Variants in SMAD1 observed in about 807,000 individuals in gnomAD.
SMAD1 encodes the protein SMAD family member 1, also known as MAD, mothers against decapentaplegic homolog 1.
In SMAD1, 6 loss-of-function variants were observed where a neutral mutation model predicts 41.6. The observed-to-expected ratio is 0.14, with a 90% CI of 0.08 to 0.28. SMAD1 has a LOEUF of 0.28. SMAD1 is among the 10% of genes least tolerant of loss of function. SMAD1 has a pLI of 1.00. For synonymous variants in SMAD1, 206 were observed against 203.2 expected (o/e 1.01, Z -0.12); for missense variants, 379 against 582.6 (o/e 0.65, Z 3.60).
intron 5 of SMAD1, among the ~76,000 whole-genome samples, chr4:145,551,114 C>T (rs1239717546): frequency 2.0e-5 from 3 of 152,032 alleles, no homozygotes; most frequent in African/African-American, 7.2e-5. Flanking sequence ...AAAAAATTAT[C>T]GGCATTAGGG....
intron 2 of SMAD1, among the ~76,000 whole-genome samples, chr4:145,536,106 T>C (rs1266035243): frequency 2.0e-5 from 3 of 152,204 alleles, no homozygotes; most frequent in Non-Finnish European, 4.4e-5. Flanking sequence ...ATTTTGATGT[T>C]GGTAGCCAAG....
upstream of SMAD1, chr4:145,481,601 G>C (rs1159711553): frequency 6.6e-6 from 1 of 152,328 alleles, no homozygotes; most frequent in African/African-American, 2.4e-5. Context: ...AGGAAGAAAC[G>C]GGGCGTGGGG....
At chr4:145,542,080 A>G (rs993776481) in intron 3 of SMAD1, among the ~76,000 whole-genome samples, 2 of 152,218 alleles carry the variant, frequency 1.3e-5, no homozygotes, top group Admixed American at 1.3e-4. Context: ...CAGATTCCCT[A>G]AAGTCATGGA....
chr4:145,549,896 A>G (rs1200871208), intron 5 of SMAD1, among the ~76,000 whole-genome samples: 1 of 152,186 alleles, frequency 6.6e-6, no homozygotes, highest in Non-Finnish European at 1.5e-5. Context: ...TGGTCTGTAA[A>G]CCTCTGAAAT....
chr4:145,556,205 TCAG>T (rs1340245184), intron 6 of SMAD1, among the ~76,000 whole-genome samples: 1 of 152,204 alleles, frequency 6.6e-6, no homozygotes, highest in Non-Finnish European at 1.5e-5. Context: ...CCAAGTCAGC[TCAG>T]CTGAACACAT....
At chr4:145,512,645 A>G (rs1730147104) in intron 1 of SMAD1, among the ~76,000 whole-genome samples, 1 of 152,208 alleles carries the variant, frequency 6.6e-6, no homozygotes, top group Non-Finnish European at 1.5e-5. Flanking sequence ...TTGACATAGT[A>G]AATAGTAATC....
intron 2 of SMAD1, among the ~76,000 whole-genome samples, chr4:145,528,534 G>A (rs890926953): frequency 4.6e-5 from 7 of 152,258 alleles, no homozygotes; most frequent in South Asian, 2.1e-4. Flanking sequence ...GAGCTACCGC[G>A]CCTGACCATA....
chr4:145,554,592 GATAA>G (rs1273440941), intron 6 of SMAD1, among the ~76,000 whole-genome samples: 2 of 152,146 alleles, frequency 1.3e-5, no homozygotes, highest in Non-Finnish European at 2.9e-5. Flanking sequence ...CCTTGCCCAA[GATAA>G]ATAGATGCCT....
At chr4:145,546,356 C>A in intron 4 of SMAD1, 1 of 214,990 alleles carries the variant, frequency 4.7e-6, no homozygotes, top group South Asian at 9.6e-5. Context: ...AGATGGTGAG[C>A]CAAAGTCTGT....
intron 1 of SMAD1, among the ~76,000 whole-genome samples, chr4:145,491,355 C>T (rs1294011945): frequency 6.6e-6 from 1 of 152,130 alleles, no homozygotes; most frequent in Non-Finnish European, 1.5e-5. Context: ...CACTTAAACC[C>T]AGCAGTTCAA....
At chr4:145,531,196 G>A (rs546144459) in intron 2 of SMAD1, among the ~76,000 whole-genome samples, 5 of 152,280 alleles carry the variant, frequency 3.3e-5, no homozygotes, top group African/African-American at 9.6e-5. Flanking sequence ...TTTCTTCAGC[G>A]TAAAGTTTCC....
intron 2 of SMAD1, among the ~76,000 whole-genome samples, chr4:145,515,434 G>C (rs1198534082): frequency 4.6e-5 from 7 of 152,114 alleles, no homozygotes; most frequent in African/African-American, 1.7e-4. Context: ...CATTATTGCT[G>C]TCTATATGCT....
At chr4:145,515,160 G>GTC in intron 2 of SMAD1, 147 bp downstream of exon 2, 1 of 717,384 alleles carries the variant, frequency 1.4e-6, no homozygotes, top group Non-Finnish European at 2.3e-6. Context: ...GTGTGTGTGT[G>GTC]TGTGTGTGTG....
At chr4:145,530,531 AT>A (rs778569481) in intron 2 of SMAD1, among the ~76,000 whole-genome samples, 17 of 152,148 alleles carry the variant, frequency 1.1e-4, no homozygotes, top group Non-Finnish European at 2.2e-4. Context: ...GTTGAGTTAG[AT>A]TTAGGTGATT....
Position 145,502,123 on chromosome 4 carries a change from A to G in SMAD1, c.-176-12315A>G, listed in dbSNP as rs572048759. On this transcript the variant is annotated intron_variant, in intron 1 of 6. Coordinates refer to ENST00000302085, the MANE Select transcript of SMAD1 (RefSeq NM_005900.3). ...CATAGACTTTCTCCTGGGATAGTCA[A>G]TAAAATTAAATCTTAAAATGTCTGT... Among the ~76,000 whole-genome samples, 85 of 152,332 alleles carry G rather than the reference A, an allele frequency of 5.6e-4. 2 individuals are homozygous for G. Among genetic ancestry groups the G allele is most frequent in the South Asian group, 1.0e-3 (5 of 4,824 alleles).
chr4:145,542,792 G>C (rs1732025090), intron 4 of SMAD1, 94 bp downstream of exon 4: 1 of 779,434 alleles, frequency 1.3e-6, no homozygotes, highest in South Asian at 1.8e-5. Context: ...TTTAAAAAGA[G>C]AGCTACTTGA....
At chr4:145,549,226 G>A (rs1404251750) in intron 5 of SMAD1, among the ~76,000 whole-genome samples, 2 of 152,142 alleles carry the variant, frequency 1.3e-5, no homozygotes, top group Non-Finnish European at 2.9e-5. Context: ...AATACTGTAA[G>A]GGACATTATT....
rs75059086 is a variant in SMAD1, at chr4:145,493,059, A to G, written c.-177+11021A>G. On this transcript the variant is annotated intron_variant, in intron 1 of 6. Coordinates refer to ENST00000302085, the MANE Select transcript of SMAD1 (RefSeq NM_005900.3). ...CCTGCAAACATTTTAAAGTTGGATA[A>G]AAAAGGCTTTTAAATCTCACCTTCA... 2.0e-4 allele frequency among the ~76,000 whole-genome samples: 30 copies of G among 152,296 alleles called. No homozygotes were observed. In the East Asian group the frequency reaches 5.8e-3, roughly 29 times the overall value.
intron 5 of SMAD1, among the ~76,000 whole-genome samples, chr4:145,552,818 T>G (rs374753057): frequency 2.4e-4 from 37 of 152,308 alleles, no homozygotes; most frequent in African/African-American, 8.9e-4. Context: ...TTATGCTATC[T>G]TTTTAGAGTG....
Sources: gnomAD v4.1 joint callset for allele counts (sites outside exome capture counted in the v4.1 genomes callset) on GRCh38, gnomAD v4.1.1 for gene constraint, MANE v1.5 for transcripts, NCBI Gene and HGNC (gene_info 2026-07-23, HGNC 2026-07-21) for gene names.